The following SCN1A variants were observed in gnomAD, a reference collection of about 807,000 sequenced individuals.
SCN1A encodes the protein sodium channel protein type 1 subunit alpha.
Under a neutral mutation model 193.7 loss-of-function variants are expected in SCN1A, and 13 were observed. That is an observed-to-expected ratio of 0.07 (90% CI 0.04 to 0.11). The LOEUF is 0.11. Among genes scored for constraint, SCN1A ranks in the 10% least tolerant of loss-of-function variants. The pLI is 1.00. For synonymous variants in SCN1A, 781 were observed against 843.6 expected (o/e 0.93, Z 1.29); for missense variants, 1,432 against 2,451.1 (o/e 0.58, Z 8.78).
intron 2 of SCN1A, among the ~76,000 whole-genome samples, chr2:166,086,380 G>A (rs1686121692): frequency 6.6e-6 from 1 of 152,082 alleles, no homozygotes; most frequent in Non-Finnish European, 1.5e-5. Context: ...ACCTTTTAAT[G>A]TCAGAGGGCC....
chr2:166,106,494 T>G (rs1688709064), intron 2 of SCN1A, among the ~76,000 whole-genome samples: 1 of 151,946 alleles, frequency 6.6e-6, no homozygotes, highest in Non-Finnish European at 1.5e-5. Flanking sequence ...GGGCTACTGT[T>G]GGGCAAGCAG....
chr2:166,127,838 T>C lies in SCN1A; in HGVS notation c.-296A>G, dbSNP rs772271153. ...TCACCCAAAGACGAGATGATAACAA[T>C]GTGCCTTCAGTTGCAATTGTTCAGA... On this transcript the variant is annotated 5_prime_UTR_variant, in exon 1 of 29. Transcript: ENST00000674923. The C allele has an allele frequency of 1.3e-5, 2 of 152,160 alleles. No homozygotes were observed. Among genetic ancestry groups the C allele is most frequent in the African/African-American group, 2.4e-5 (1 of 41,438 alleles). 9.4% of individuals were successfully genotyped at this position (152,160 alleles called of 1,614,324 possible).
Position 166,042,381 on chromosome 2 carries a change from G to T in SCN1A, c.2087C>A (p.Ser696Tyr), listed in dbSNP as rs1415405412. ...TAGAAAGTCCATGGAAACGTGGAAA[G>T]AACTTGACCTTCTCTTTCTCATTTC... ...ETEMRKRRSS[S>Y]FHVSMDFLED... Residue 696 changes from serine to tyrosine, a missense_variant, in exon 15 of 29, where the codon TCT becomes TAT. Around this residue, in one of 18 missense-constraint regions of SCN1A, gnomAD observed 316 missense variants for 362.1 expected, o/e 0.87. Coordinates refer to ENST00000674923, the MANE Select transcript of SCN1A (RefSeq NM_001165963.4). 2 of 1,613,854 alleles carry T rather than the reference G, an allele frequency of 1.2e-6. No homozygotes were observed. The highest frequency in any genetic ancestry group is 2.2e-5 in the East Asian group (1 of 44,818).
Position 166,076,725 on chromosome 2 carries a change from A to G in SCN1A, c.-50+985T>C, listed in dbSNP as rs190304520. 5.3e-5 allele frequency among the ~76,000 whole-genome samples: 8 copies of G among 152,050 alleles called. No homozygotes were observed. The East Asian group carries it at 1.4e-3, about 26-fold the overall frequency. On this transcript the variant is annotated intron_variant, in intron 3 of 28. Transcript: ENST00000674923. Reference sequence around the variant, plus strand: ...AATGGAATAGGATAGTGAGTGTGGAAGAAGGCCCACATAATTACAGCCAAC... The same window carrying G: ...AATGGAATAGGATAGTGAGTGTGGAGGAAGGCCCACATAATTACAGCCAAC...
Position 165,991,429 on chromosome 2 carries a change from C to T in SCN1A, c.5846G>A (p.Gly1949Asp). The change falls in exon 29 of 29, where the codon GGT becomes GAT. Residue 1949 changes from glycine to aspartate, a missense_variant. Physicochemically the swap from Gly to Asp is moderately conservative, Grantham distance 94. This residue lies in a region of SCN1A where 148 missense variants were observed against 160.3 expected (regional missense o/e 0.92). Transcript: ENST00000674923. ...TTCTTTTATAAGAAGATTAGCCCCA[C>T]CTTTGATTTTGTTTTTATTGTACGT... ...SFTYNKNKIK[G>D]GANLLIKEDM... is the part of the protein sequence containing the mutation. 1 of 1,613,802 alleles carries T rather than the reference C, an allele frequency of 6.2e-7. No individual in the cohort carries two copies. Among genetic ancestry groups the T allele is most frequent in the South Asian group, 1.1e-5 (1 of 91,084 alleles).
intron 2 of SCN1A, among the ~76,000 whole-genome samples, chr2:166,102,224 C>T (rs1393317456): frequency 2.6e-5 from 4 of 152,178 alleles, no homozygotes; most frequent in South Asian, 2.1e-4. Flanking sequence ...GGGCGGGGCG[C>T]GGTGACTCGC....
At chr2:166,041,140 G>A in intron 16 of SCN1A, 91 bp downstream of exon 16, 2 of 980,910 alleles carry the variant, frequency 2.0e-6, no homozygotes, top group Non-Finnish European at 3.3e-6. Flanking sequence ...CATGAAGGAT[G>A]GTTGAAAGAC....
At chr2:166,053,582 C>T (rs1698829268) in intron 7 of SCN1A, among the ~76,000 whole-genome samples, 1 of 152,010 alleles carries the variant, frequency 6.6e-6, no homozygotes, top group South Asian at 2.1e-4. Context: ...CCTATTGTTA[C>T]TGCCATTTTG....
intron 3 of SCN1A, among the ~76,000 whole-genome samples, chr2:166,077,484 G>T (rs1352481481): frequency 6.6e-6 from 1 of 151,868 alleles, no homozygotes; most frequent in Admixed American, 6.6e-5. Context: ...TCCATCATAT[G>T]TCATTAGTGA....
Position 166,146,534 on chromosome 2 carries a change from C to T in SCN1A, c.-50+2513G>A, listed in dbSNP as rs548313738. ...CTTTGGTCATCACAACTGAGGGTTT[C>T]TATGGACACTTTGTGGGTAGAGGCA... On this transcript the variant is annotated intron_variant, in intron 1 of 26. Coordinates refer to the SCN1A transcript ENST00000635750. Among the ~76,000 whole-genome samples the T allele has an allele frequency of 2.0e-5, 3 of 152,288 alleles. No homozygotes were observed. The East Asian group carries it at 5.8e-4, about 29-fold the overall frequency.
chr2:166,011,124 A>T (rs925310574), intron 22 of SCN1A, among the ~76,000 whole-genome samples: 1 of 151,132 alleles, frequency 6.6e-6, no homozygotes, highest in African/African-American at 2.4e-5. Flanking sequence ...ATTTCTCTCA[A>T]TTGGCTCATT....
rs751977020 is a variant in SCN1A at position 166,051,809 on chromosome 2, T to C, written c.874A>G (p.Ile292Val). 5 of 1,612,240 alleles carry C rather than the reference T, an allele frequency of 3.1e-6. No individual in the cohort carries two copies. Among genetic ancestry groups the C allele is most frequent in the Middle Eastern group, 1.7e-4 (1 of 6,046 alleles). Residue 292 changes from isoleucine (I) to valine (V), a missense_variant, in exon 9 of 29, where the codon ATA becomes GTA. By Grantham distance (29) the Ile-to-Val change is conservative. Transcript: ENST00000674923. The stretch of plus-strand genomic sequence containing the variant: ...TAATTCACAGTTATATTCTTTTCTA[T>C]ACTATGTTCCTCCAAGGAAGCATTG... The part of the protein sequence containing the change: ...PTNASLEEHS[I>V]EKNITVNYNG...
chr2:166,011,140 G>T (rs958771500), intron 22 of SCN1A, among the ~76,000 whole-genome samples: 1 of 151,100 alleles, frequency 6.6e-6, no homozygotes, highest in Admixed American at 6.6e-5. Flanking sequence ...TCATTTCACA[G>T]TAACATTGTT....
chr2:165,999,040 C>T, intron 25 of SCN1A: 1 of 151,430 alleles, frequency 6.6e-6, no homozygotes, highest in South Asian at 2.1e-4. Context: ...ATAGAAAATA[C>T]TACATCTTAC....
chr2:166,039,864 T>C (rs1696925440), intron 16 of SCN1A, among the ~76,000 whole-genome samples: 1 of 151,152 alleles, frequency 6.6e-6, no homozygotes, highest in South Asian at 2.1e-4. Context: ...TTGCTTGATA[T>C]CATACAGCAA....
At chr2:166,080,655 A>G (rs1481636599) in intron 2 of SCN1A, among the ~76,000 whole-genome samples, 1 of 151,792 alleles carries the variant, frequency 6.6e-6, no homozygotes, top group Non-Finnish European at 1.5e-5. Context: ...CCAAAAGAAC[A>G]TGAAATGGAA....
chr2:166,012,707 G>A (rs561601956), intron 21 of SCN1A, among the ~76,000 whole-genome samples: 7 of 143,126 alleles, frequency 4.9e-5, no homozygotes, highest in Non-Finnish European at 6.0e-5. Context: ...ATTGATCTTC[G>A]CAGTCTCCAA....
At chr2:166,148,063 C>T (rs910455109) in intron 1 of SCN1A, among the ~76,000 whole-genome samples, 7 of 152,298 alleles carry the variant, frequency 4.6e-5, no homozygotes, top group Admixed American at 4.6e-4. Context: ...TTTATGCAGA[C>T]TTTACTTTCC....
At chr2:166,130,144 C>T (rs1477082501), upstream of SCN1A, among the ~76,000 whole-genome samples, 1 of 152,216 alleles carries the variant, frequency 6.6e-6, no homozygotes, top group Non-Finnish European at 1.5e-5. Flanking sequence ...TAAACTCAAA[C>T]TCCATGTTTG....
Sources: gnomAD v4.1 joint callset for allele counts (sites outside exome capture counted in the v4.1 genomes callset) on GRCh38, gnomAD v4.1.1 for gene constraint, gnomAD v4.1.1 regional missense constraint, MANE v1.5 for transcripts, NCBI Gene and HGNC (gene_info 2026-07-23, HGNC 2026-07-21) for gene names.